SYNM: variants seen among roughly 807,000 people sequenced by gnomAD.
The protein encoded by SYNM is desmuslin.
A neutral mutation model predicts 104.0 loss-of-function variants in SYNM; 95 were observed. The observed-to-expected ratio is 0.91, with a 90% CI of 0.77 to 1.08. The LOEUF (loss-of-function observed/expected upper bound fraction) is 1.08, where lower values mean the gene tolerates loss of function less well. Ranked by LOEUF, SYNM falls within the 50% of genes least tolerant of loss-of-function variation. The probability of loss-of-function intolerance (pLI) is 0.00; values close to 1 mark genes in which losing one functional copy is unlikely to be tolerated. For synonymous variants in SYNM, 918 were observed against 869.0 expected, an observed-to-expected ratio of 1.06 and a Z score of -0.99; for missense variants, 2,150 against 2,052.2, an observed-to-expected ratio of 1.05 and a Z score of -0.92.
intron 2 of SYNM, among the ~76,000 whole-genome samples, chr15:99,122,116 A>G (rs1160524648): frequency 6.6e-6 from 1 of 152,374 alleles, no homozygotes; most frequent in Non-Finnish European, 1.5e-5. Context: ...AAGTCCTTTT[A>G]AAAGGTTAGG....
rs370571963 is a variant in SYNM, at chr15:99,132,711, A to G, written c.4351A>G (p.Ile1451Val). Reference sequence around the variant, plus strand: ...AGACAGCAGCAGAACGCTAAGGCACATTGCACCAGGGCCCAAAGAAACTTC... The same window carrying G: ...AGACAGCAGCAGAACGCTAAGGCACGTTGCACCAGGGCCCAAAGAAACTTC... ...LADSSRTLRH[I>V]APGPKETSFT... Residue 1451 changes from isoleucine to valine, a missense_variant, in exon 4 of 4, where the codon ATT (isoleucine) becomes GTT (valine). Transcript: ENST00000336292. 8.7e-5 allele frequency: 141 copies of G among 1,614,000 alleles called. No homozygotes were observed. In the Middle Eastern group the frequency reaches 9.9e-4, roughly 11 times the overall value.
At chr15:99,129,275 A>T in intron 3 of SYNM, 92 bp from the exon 4 acceptor site, 1 of 1,502,352 alleles carries the variant, frequency 6.7e-7, no homozygotes, top group Admixed American at 2.0e-5. Context: ...ATTTATTATG[A>T]TGGAATGGGA....
chr15:99,131,487 C>G lies in SYNM; in HGVS notation c.3127C>G (p.Arg1043Gly). ...SVVRESLSRQ[R>G]SPAPGSPDEE... ...GGTTCGGGAGAGCCTGAGCAGGCAA[C>G]GCAGCCCAGCGCCTGGCAGCCCAGA... is the stretch of plus-strand genomic sequence containing the variant. The change falls in exon 4 of 4, where the codon CGC (arginine) becomes GGC (glycine). Residue 1043 changes from arginine (R) to glycine (G), a missense_variant. Physicochemically the swap from Arg to Gly is moderately radical, Grantham distance 125. Transcript: ENST00000336292. The surrounding 1 kb of genome is among the most constrained non-coding windows in gnomAD (Gnocchi z 4.3). The G allele has an allele frequency of 6.2e-7, 1 of 1,605,932 alleles. No individual in the cohort carries two copies. Among genetic ancestry groups the G allele is most frequent in the Non-Finnish European group, 8.5e-7 (1 of 1,179,386 alleles).
Position 99,130,422 on chromosome 15 carries a change from G to T in SYNM, c.2062G>T (p.Val688Leu). 3 of 1,613,842 alleles carry T rather than the reference G, an allele frequency of 1.9e-6. No homozygotes were observed. Among genetic ancestry groups the T allele is most frequent in the Non-Finnish European group, 2.5e-6 (3 of 1,179,876 alleles). Residue 688 changes from valine to leucine, a missense_variant, in exon 4 of 4, where the codon GTG becomes TTG. Val to Leu is a conservative substitution (Grantham distance 32). Coordinates refer to ENST00000336292, the MANE Select transcript of SYNM (RefSeq NM_145728.3). ...AAGGAAAACAAAGACTGAAATAGTT[G>T]TGGAGTCTAAACTGACTGAGGATGT... ...GERKTKTEIVVESKLTEDVDV... is the reference protein window; with the variant it reads ...GERKTKTEIVLESKLTEDVDV...
At position 99,133,024 on chromosome 15, in the gene SYNM, A is replaced by G. The variant is rs782738335; in HGVS notation, c.4664A>G (p.Asn1555Ser). The change falls in exon 4 of 4, where the codon AAT (asparagine) becomes AGT (serine). Residue 1555 changes from asparagine (N) to serine (S), a missense_variant. Asn to Ser is a conservative substitution (Grantham distance 46). Coordinates refer to ENST00000336292, the MANE Select transcript of SYNM (RefSeq NM_145728.3). ...EKKVALLYLD[N>S]EEEENDGHWF Reference sequence around the variant, plus strand: ...AAAGTTGCCCTCCTCTATCTAGACAATGAGGAGGAGGAGAATGATGGGCAT... The same window carrying G: ...AAAGTTGCCCTCCTCTATCTAGACAGTGAGGAGGAGGAGAATGATGGGCAT... The G allele has an allele frequency of 1.9e-6, 3 of 1,613,926 alleles. No homozygotes were observed. Among genetic ancestry groups the G allele is most frequent in the East Asian group, 2.2e-5 (1 of 44,884 alleles).
Position 99,105,612 on chromosome 15 carries a change from A to AGGCCGAGCGCCGAGGCCTCGACGC in SYNM, c.418_441dup (p.Glu140_Ala147dup). On this transcript the variant is annotated inframe_insertion, in exon 1 of 4. Coordinates refer to ENST00000336292, the MANE Select transcript of SYNM (RefSeq NM_145728.3). ...CTCGAGGCGCTGCTGGGCCGGCTGCAGGCCGAGCGCCGAGGCCTCGACGCG... is the reference window on the plus strand; with the variant it reads ...CTCGAGGCGCTGCTGGGCCGGCTGCAGGCCGAGCGCCGAGGCCTCGACGCGGCCGAGCGCCGAGGCCTCGACGCG... 8.0e-7 allele frequency: 1 copy of AGGCCGAGCGCCGAGGCCTCGACGC among 1,256,514 alleles called. No homozygotes were observed. Among genetic ancestry groups the AGGCCGAGCGCCGAGGCCTCGACGC allele is most frequent in the Non-Finnish European group, 1.0e-6 (1 of 1,000,784 alleles). 77.8% of individuals were successfully genotyped at this position (1,256,514 alleles called of 1,614,324 possible).
At chr15:99,112,050 AAAC>A (rs782267387) in intron 1 of SYNM, among the ~76,000 whole-genome samples, 2 of 152,216 alleles carry the variant, frequency 1.3e-5, no homozygotes, top group African/African-American at 2.4e-5. Context: ...CTGTCTCCAA[AAAC>A]AAACAAAACA....
intron 2 of SYNM, among the ~76,000 whole-genome samples, chr15:99,114,039 A>G (rs2067324003): frequency 6.6e-6 from 1 of 152,076 alleles, no homozygotes; most frequent in Admixed American, 6.5e-5. Flanking sequence ...GACTGTGTTT[A>G]CAGATGAACA....
intron 2 of SYNM, among the ~76,000 whole-genome samples, chr15:99,122,172 A>G (rs1488410164): frequency 1.3e-5 from 2 of 152,214 alleles, no homozygotes; most frequent in Non-Finnish European, 2.9e-5. Context: ...TGGGAAGGGC[A>G]TGGGAAGCTT....
chr15:99,130,064 G>T lies in SYNM; in HGVS notation c.1704G>T (p.Lys568Asn). The T allele has an allele frequency of 6.2e-7, 1 of 1,613,942 alleles. No individual in the cohort carries two copies. The highest frequency in any genetic ancestry group is 8.5e-7 in the Non-Finnish European group (1 of 1,179,872). ...KEKAKEKDSP[K>N]EKSVREREVP... ...AGGCTAAGGAGAAGGACTCACCGAA[G>T]GAGAAGAGCGTGCGAGAGAGAGAGG... The change falls in exon 4 of 4, where the codon AAG becomes AAT. Residue 568 changes from lysine to asparagine, a missense_variant. Lys to Asn is a moderately conservative substitution (Grantham distance 94). Transcript: ENST00000336292.
chr15:99,106,054 C>A (rs2067238952), intron 1 of SYNM, 45 bp downstream of exon 1: 1 of 1,377,430 alleles, frequency 7.3e-7, no homozygotes, highest in Admixed American at 3.5e-5. Flanking sequence ...CCGCTGCCGT[C>A]GCCCCAGCAC....
chr15:99,113,463 C>T, intron 1 of SYNM, 128 bp from the exon 2 acceptor site: 1 of 1,189,048 alleles, frequency 8.4e-7, no homozygotes, highest in South Asian at 1.4e-5. Flanking sequence ...TTTAATAACG[C>T]CGGGTGTTTT....
rs1452402933 is a variant in SYNM, at chr15:99,105,871, G to A, written c.672G>A (p.Glu224=). The A allele has an allele frequency of 5.8e-6, 9 of 1,541,892 alleles. No individual in the cohort carries two copies. In the East Asian group the frequency reaches 2.2e-4, roughly 38 times the overall value. The change falls in exon 1 of 4, where the codon GAG becomes GAA. Residue 224 remains glutamate (E), a synonymous_variant. Coordinates refer to ENST00000336292, the MANE Select transcript of SYNM (RefSeq NM_145728.3). ...GCCAGGAGAGCAGACTCCAGGCGGA[G>A]GAAGAGACGCGGCTGTGCGCGCAGG... The part of the protein sequence containing the change: ...RRGQESRLQA[E]EETRLCAQEA...
Position 99,130,561 on chromosome 15 carries a change from T to A in SYNM, c.2201T>A (p.Leu734Gln), listed in dbSNP as rs569610114. ...QMIGDIINLG[L>Q]KGREGRAKVV... ...ATAGGAGACATCATCAACCTCGGCC[T>A]GAAAGGGAGGGAGGGGAGAGCAAAG... Residue 734 changes from leucine (L) to glutamine (Q), a missense_variant, in exon 4 of 4, where the codon CTG (leucine) becomes CAG (glutamine). Physicochemically the swap from Leu to Gln is moderately radical, Grantham distance 113 (BLOSUM62 -2). Transcript: ENST00000336292. 10 of 1,613,582 alleles carry A rather than the reference T, an allele frequency of 6.2e-6. No individual in the cohort carries two copies. In the East Asian group the frequency reaches 1.8e-4, roughly 29 times the overall value.
At position 99,130,391 on chromosome 15, in the gene SYNM, T is replaced by C; in HGVS notation, c.2031T>C (p.Pro677=). Residue 677 remains proline (P), a synonymous_variant, in exon 4 of 4, where the codon CCT becomes CCC. Transcript: ENST00000336292. ...KVTYVDRKEL[P]GERKTKTEIV... is the part of the protein sequence containing the mutation. ...CTTACGTGGACAGGAAAGAGCTTCC[T>C]GGGGAAAGGAAAACAAAGACTGAAA... 1 of 1,613,738 alleles carries C rather than the reference T, an allele frequency of 6.2e-7. No individual in the cohort carries two copies. The highest frequency in any genetic ancestry group is 8.5e-7 in the Non-Finnish European group (1 of 1,179,812).
Position 99,131,652 on chromosome 15 carries a change from C to G in SYNM, c.3292C>G (p.Pro1098Ala), listed in dbSNP as rs2067509687. The change falls in exon 4 of 4, where the codon CCA (proline) becomes GCA (alanine). Residue 1098 changes from proline to alanine, a missense_variant. Physicochemically the swap from Pro to Ala is conservative, Grantham distance 27. Transcript: ENST00000336292. The surrounding 1 kb of genome is among the most constrained non-coding windows in gnomAD (Gnocchi z 4.3). ...HSSGQRTPQG[P>A]VSATVEVSSP... Reference sequence around the variant, plus strand: ...CTCGGGACAGCGCACTCCCCAGGGCCCAGTGTCGGCCACTGTGGAGGTCAG... The same window carrying G: ...CTCGGGACAGCGCACTCCCCAGGGCGCAGTGTCGGCCACTGTGGAGGTCAG... 6.2e-7 allele frequency: 1 copy of G among 1,611,516 alleles called. No homozygotes were observed.
At chr15:99,138,331 TCAGA>T (rs1217779309), downstream of SYNM, among the ~76,000 whole-genome samples, 8 of 152,104 alleles carry the variant, frequency 5.3e-5, no homozygotes, top group African/African-American at 1.7e-4. Flanking sequence ...TTTTTTTTTT[TCAGA>T]CAGAGTCTCA....
chr15:99,105,873 A>G lies in SYNM; in HGVS notation c.674A>G (p.Glu225Gly). 3 of 1,540,130 alleles carry G rather than the reference A, an allele frequency of 1.9e-6. No individual in the cohort carries two copies. The highest frequency in any genetic ancestry group is 2.6e-6 in the Non-Finnish European group (3 of 1,146,056). The change falls in exon 1 of 4, where the codon GAA (glutamate) becomes GGA (glycine). Residue 225 changes from glutamate to glycine, a missense_variant. Transcript: ENST00000336292. ...RGQESRLQAEEETRLCAQEAE... is the reference protein window; with the variant it reads ...RGQESRLQAEGETRLCAQEAE... Reference sequence around the variant, plus strand: ...CAGGAGAGCAGACTCCAGGCGGAGGAAGAGACGCGGCTGTGCGCGCAGGAG... The same window carrying G: ...CAGGAGAGCAGACTCCAGGCGGAGGGAGAGACGCGGCTGTGCGCGCAGGAG...
At chr15:99,116,404 A>ATGGC (rs1555483949) in intron 2 of SYNM, among the ~76,000 whole-genome samples, 6 of 146,276 alleles carry the variant, frequency 4.1e-5, no homozygotes, top group South Asian at 4.5e-4. Context: ...AGACTGCCCC[A>ATGGC]AGTCAGAAAA....
Sources: allele counts gnomAD v4.1 joint callset (sites outside exome capture counted in the v4.1 genomes callset), GRCh38; gene constraint gnomAD v4.1.1; non-coding constraint Gnocchi (gnomAD v3.1); transcripts MANE v1.5; gene names NCBI Gene and HGNC (gene_info 2026-07-23, HGNC 2026-07-21).